OR4C13: variants seen among roughly 807,000 people sequenced by gnomAD.
OR4C13 encodes the protein olfactory receptor 4C13.
OR4C13 carries 23 observed loss-of-function variants against 14.7 expected under a neutral mutation model. That is an observed-to-expected ratio of 1.57 (90% CI 1.13 to 2.22). The LOEUF (loss-of-function observed/expected upper bound fraction) is 2.22, where lower values mean the gene tolerates loss of function less well. Among genes scored for constraint, OR4C13 ranks in the 30% most tolerant of loss-of-function variants. The probability of loss-of-function intolerance (pLI) is 0.00; values close to 1 mark genes in which losing one functional copy is unlikely to be tolerated. For synonymous variants in OR4C13, 178 were observed against 135.5 expected, an observed-to-expected ratio of 1.31 and a Z score of -2.18; for missense variants, 504 against 368.6, an observed-to-expected ratio of 1.37 and a Z score of -3.01.
In OR4C13 at chr11:49,953,089, T is replaced by G; in HGVS notation, c.667T>G (p.Leu223Val). Reference sequence around the variant, plus strand: ...CTCCTGCGTGGTCATACTGTACTCCTTAAAGACCCACAGCTTAGAGGCAAG... The same window carrying G: ...CTCCTGCGTGGTCATACTGTACTCCGTAAAGACCCACAGCTTAGAGGCAAG... ...LVSCVVILYS[L>V]KTHSLEARHE... Residue 223 changes from leucine to valine, a missense_variant, in exon 1 of 1, where the codon TTA (leucine) becomes GTA (valine). Transcript: ENST00000555099. 6.2e-7 allele frequency: 1 copy of G among 1,613,934 alleles called. No individual in the cohort carries two copies. Among genetic ancestry groups the G allele is most frequent in the Non-Finnish European group, 8.5e-7 (1 of 1,179,856 alleles).
In OR4C13 at chr11:49,952,459, T is replaced by C. The variant is rs782550728; in HGVS notation, c.37T>C (p.Leu13=). 23 of 1,613,060 alleles carry C rather than the reference T, an allele frequency of 1.4e-5. No homozygotes were observed. The highest frequency in any genetic ancestry group is 4.4e-5 in the South Asian group (4 of 91,040). ...NRNNVTEFIL[L]GLTENPKMQK... is the part of the protein sequence containing the mutation. ...AAACAATGTGACAGAGTTTATTCTA[T>C]TGGGGCTTACAGAGAATCCAAAAAT... Residue 13 remains leucine (L), a synonymous_variant, in exon 1 of 1, where the codon TTG becomes CTG. Transcript: ENST00000555099.
In OR4C13 at chr11:49,952,485, G is replaced by C. The variant is rs781882603; in HGVS notation, c.63G>C (p.Met21Ile). 6.2e-7 allele frequency: 1 copy of C among 1,613,424 alleles called. No homozygotes were observed. The highest frequency in any genetic ancestry group is 1.3e-5 in the African/African-American group (1 of 74,906). Residue 21 changes from methionine (M) to isoleucine (I), a missense_variant, in exon 1 of 1, where the codon ATG becomes ATC. Physicochemically the swap from Met to Ile is conservative, Grantham distance 10. Coordinates refer to ENST00000555099, the MANE Select transcript of OR4C13 (RefSeq NM_001001955.2). ...ILLGLTENPK[M>I]QKIIFVVFSV... ...TGGGGCTTACAGAGAATCCAAAAAT[G>C]CAGAAAATCATATTTGTTGTGTTTT...
At position 49,952,929 on chromosome 11, in the gene OR4C13, T is replaced by G; in HGVS notation, c.507T>G (p.Pro169=). Residue 169 remains proline, a synonymous_variant, in exon 1 of 1, where the codon CCT becomes CCG. Coordinates refer to ENST00000555099, the MANE Select transcript of OR4C13 (RefSeq NM_001001955.2). ...TCTGTCAATTACCTTTCTGTGGTCCTAATGTCATAGATCACTTTATGTGTG... is the reference window on the plus strand; with the variant it reads ...TCTGTCAATTACCTTTCTGTGGTCCGAATGTCATAGATCACTTTATGTGTG... ...LFICQLPFCG[P]NVIDHFMCDL... 1 of 1,613,966 alleles carries G rather than the reference T, an allele frequency of 6.2e-7. No homozygotes were observed. Among genetic ancestry groups the G allele is most frequent in the Non-Finnish European group, 8.5e-7 (1 of 1,179,888 alleles).
In OR4C13 at chr11:49,953,388, A is replaced by C. The variant is rs781957053; in HGVS notation, c.*36A>C. On this transcript the variant is annotated 3_prime_UTR_variant, in exon 1 of 1. Transcript: ENST00000555099. The stretch of plus-strand genomic sequence containing the variant: ...AGCCCAACATGATTCAGCTGAGGCA[A>C]GGGTCAAAAGGACATTTTGGGTAAT... 8.2e-6 allele frequency: 9 copies of C among 1,100,770 alleles called. No homozygotes were observed. Among genetic ancestry groups the C allele is most frequent in the Admixed American group, 2.5e-5 (1 of 40,230 alleles). The allele number at this position is 1,100,770 out of a possible 1,614,324, so 68.2% of individuals were successfully genotyped here. A position where few individuals can be genotyped will look rare whatever the true frequency, so the allele number is the denominator to read the frequency against.
At position 49,952,864 on chromosome 11, in the gene OR4C13, G is replaced by A. The variant is rs1555015795; in HGVS notation, c.442G>A (p.Val148Ile). The A allele has an allele frequency of 1.9e-6, 3 of 1,613,786 alleles. No homozygotes were observed. The highest frequency in any genetic ancestry group is 2.2e-5 in the East Asian group (1 of 44,882). ...VCSLLVGVSW[V>I]GGFLHATIQI... Reference sequence around the variant, plus strand: ...TAGCCTGCTAGTGGGAGTGTCATGGGTAGGAGGCTTTCTTCATGCAACCAT... The same window carrying A: ...TAGCCTGCTAGTGGGAGTGTCATGGATAGGAGGCTTTCTTCATGCAACCAT... Residue 148 changes from valine (V) to isoleucine (I), a missense_variant, in exon 1 of 1, where the codon GTA becomes ATA. Coordinates refer to ENST00000555099, the MANE Select transcript of OR4C13 (RefSeq NM_001001955.2).
In OR4C13 at chr11:49,953,160, C is replaced by G. The variant is rs782253361; in HGVS notation, c.738C>G (p.Ile246Met). 15 of 1,613,698 alleles carry G rather than the reference C, an allele frequency of 9.3e-6. No individual in the cohort carries two copies. Among genetic ancestry groups the G allele is most frequent in the Admixed American group, 6.7e-5 (4 of 59,988 alleles). ...STCVSHITVV[I>M]LSFIPCIFVY... Reference sequence around the variant, plus strand: ...GTGTCTCCCACATCACAGTTGTCATCTTATCCTTTATACCCTGCATATTTG... The same window carrying G: ...GTGTCTCCCACATCACAGTTGTCATGTTATCCTTTATACCCTGCATATTTG... The change falls in exon 1 of 1, where the codon ATC becomes ATG. Residue 246 changes from isoleucine to methionine, a missense_variant. Transcript: ENST00000555099.
rs1555015661 is a variant in OR4C13 at position 49,952,499 on chromosome 11, T to A, written c.77T>A (p.Phe26Tyr). The change falls in exon 1 of 1, where the codon TTT becomes TAT. Residue 26 changes from phenylalanine to tyrosine, a missense_variant. Phe to Tyr is a conservative substitution (Grantham distance 22). Transcript: ENST00000555099. The stretch of plus-strand genomic sequence containing the variant: ...AATCCAAAAATGCAGAAAATCATAT[T>A]TGTTGTGTTTTCTGTCATCTACATC... The part of the protein sequence containing the change: ...TENPKMQKII[F>Y]VVFSVIYINA... 1.2e-6 allele frequency: 2 copies of A among 1,613,482 alleles called. No homozygotes were observed. Among genetic ancestry groups the A allele is most frequent in the Non-Finnish European group, 1.7e-6 (2 of 1,179,426 alleles).
Position 49,953,245 on chromosome 11 carries a change from A to C in OR4C13, c.823A>C (p.Met275Leu). 1.9e-6 allele frequency: 3 copies of C among 1,611,198 alleles called. No homozygotes were observed. Residue 275 changes from methionine to leucine, a missense_variant, in exon 1 of 1, where the codon ATG (methionine) becomes CTG (leucine). By Grantham distance (15) the Met-to-Leu change is conservative. Transcript: ENST00000555099. ...TAAAGCAGTTGCTGTATTCTACACT[A>C]TGATAACTTCTATGTTAAACCCCTT... ...IDKAVAVFYT[M>L]ITSMLNPLIY...
rs537150006 is a variant in OR4C13 at position 49,953,341 on chromosome 11, A to C, written c.919A>C (p.Ser307Arg). The change falls in exon 1 of 1, where the codon AGT (serine) becomes CGT (arginine). Residue 307 changes from serine to arginine, a missense_variant. Physicochemically the swap from Ser to Arg is moderately radical, Grantham distance 110. Transcript: ENST00000555099. ...RKLCSRKAIS[S>R]VK ...ATTGTGTAGTAGGAAAGCTATTTCA[A>C]GTGTCAAATAAATGTGACTGGAGCC... The C allele has an allele frequency of 6.4e-7, 1 of 1,552,994 alleles. No homozygotes were observed. Among genetic ancestry groups the C allele is most frequent in the East Asian group, 2.2e-5 (1 of 44,548 alleles).
Position 49,952,649 on chromosome 11 carries a change from C to A in OR4C13, c.227C>A (p.Thr76Asn), listed in dbSNP as rs576355692. The change falls in exon 1 of 1, where the codon ACC (threonine) becomes AAC (asparagine). Residue 76 changes from threonine to asparagine, a missense_variant. Physicochemically the swap from Thr to Asn is moderately conservative, Grantham distance 65. Transcript: ENST00000555099. ...FIDACYSSVN[T>N]PKLITDSLYE... ...GATGCCTGCTATTCCTCTGTCAATA[C>A]CCCTAAGCTGATCACAGATTCACTC... 20 of 1,613,370 alleles carry A rather than the reference C, an allele frequency of 1.2e-5. No individual in the cohort carries two copies. In the East Asian group the frequency reaches 2.0e-4, roughly 16 times the overall value.
Position 49,952,589 on chromosome 11 carries a change from C to A in OR4C13, c.167C>A (p.Pro56His). The change falls in exon 1 of 1, where the codon CCC becomes CAC. Residue 56 changes from proline (P) to histidine (H), a missense_variant. Transcript: ENST00000555099. ...ACTGCCAGCCCATCACTGAGATCCC[C>A]CATGTACTTTTTCCTGGCCTATCTC... is the stretch of plus-strand genomic sequence containing the variant. ...TITASPSLRS[P>H]MYFFLAYLSF... 1 of 1,613,888 alleles carries A rather than the reference C, an allele frequency of 6.2e-7. No individual in the cohort carries two copies. The highest frequency in any genetic ancestry group is 8.5e-7 in the Non-Finnish European group (1 of 1,179,830).
chr11:49,952,612 C>T lies in OR4C13; in HGVS notation c.190C>T (p.Leu64Phe). ...CCCCATGTACTTTTTCCTGGCCTAT[C>T]TCTCCTTTATTGATGCCTGCTATTC... ...RSPMYFFLAY[L>F]SFIDACYSSV... Residue 64 changes from leucine (L) to phenylalanine (F), a missense_variant, in exon 1 of 1, where the codon CTC becomes TTC. Transcript: ENST00000555099. The T allele has an allele frequency of 6.2e-7, 1 of 1,613,916 alleles. No homozygotes were observed.
rs1198251115 is a variant in OR4C13, at chr11:49,953,289, T to C, written c.867T>C (p.Asn289=). Residue 289 remains asparagine (N), a synonymous_variant, in exon 1 of 1, where the codon AAT becomes AAC. Transcript: ENST00000555099. ...ACCCCTTAATCTACACCTTGAGGAA[T>C]GCTCAAATGAAAAATGCCATTAGGA... ...MLNPLIYTLR[N]AQMKNAIRKL... is the part of the protein sequence containing the mutation. 1.2e-6 allele frequency: 2 copies of C among 1,608,488 alleles called. No homozygotes were observed. Among genetic ancestry groups the C allele is most frequent in the Non-Finnish European group, 8.5e-7 (1 of 1,178,422 alleles).
At position 49,952,617 on chromosome 11, in the gene OR4C13, C is replaced by T. The variant is rs79794374; in HGVS notation, c.195C>T (p.Ser65=). 8.1e-6 allele frequency: 13 copies of T among 1,613,766 alleles called. No individual in the cohort carries two copies. The highest frequency in any genetic ancestry group is 6.6e-5 in the South Asian group (6 of 91,078). The part of the protein sequence containing the change: ...SPMYFFLAYL[S]FIDACYSSVN... Reference sequence around the variant, plus strand: ...TGTACTTTTTCCTGGCCTATCTCTCCTTTATTGATGCCTGCTATTCCTCTG... The same window carrying T: ...TGTACTTTTTCCTGGCCTATCTCTCTTTTATTGATGCCTGCTATTCCTCTG... Residue 65 remains serine, a synonymous_variant, in exon 1 of 1, where the codon TCC becomes TCT. Transcript: ENST00000555099.
chr11:49,952,443 G>A lies in OR4C13; in HGVS notation c.21G>A (p.Val7=). 2 of 1,608,490 alleles carry A rather than the reference G, an allele frequency of 1.2e-6. No individual in the cohort carries two copies. Among genetic ancestry groups the A allele is most frequent in the Non-Finnish European group, 1.7e-6 (2 of 1,175,202 alleles). Residue 7 remains valine, a synonymous_variant, in exon 1 of 1, where the codon GTG becomes GTA. Coordinates refer to ENST00000555099, the MANE Select transcript of OR4C13 (RefSeq NM_001001955.2). MANRNN[V]TEFILLGLTE... is the part of the protein sequence containing the mutation. ...AATACATGGCGAATAGAAACAATGT[G>A]ACAGAGTTTATTCTATTGGGGCTTA...
At position 49,952,445 on chromosome 11, in the gene OR4C13, CAG is replaced by C; in HGVS notation, c.26_27del (p.Glu9ValfsTer59). 2 of 1,608,268 alleles carry C rather than the reference CAG, an allele frequency of 1.2e-6. No homozygotes were observed. Among genetic ancestry groups the C allele is most frequent in the South Asian group, 1.1e-5 (1 of 90,922 alleles). ...TACATGGCGAATAGAAACAATGTGA[CAG>C]AGTTTATTCTATTGGGGCTTACAGA... On this transcript the variant is annotated frameshift_variant, in exon 1 of 1. Transcript: ENST00000555099. LOFTEE classifies it high-confidence loss of function.
In OR4C13 at chr11:49,953,189, A is replaced by G. The variant is rs199795394; in HGVS notation, c.767A>G (p.Tyr256Cys). Residue 256 changes from tyrosine (Y) to cysteine (C), a missense_variant, in exon 1 of 1, where the codon TAC becomes TGC. Tyr to Cys is a radical substitution (Grantham distance 194). Coordinates refer to ENST00000555099, the MANE Select transcript of OR4C13 (RefSeq NM_001001955.2). ...ILSFIPCIFVYMRPPATLPID... is the reference protein window; with the variant it reads ...ILSFIPCIFVCMRPPATLPID... ...TCCTTTATACCCTGCATATTTGTGT[A>G]CATGAGACCTCCAGCTACTTTACCC... 53 of 1,613,682 alleles carry G rather than the reference A, an allele frequency of 3.3e-5. No homozygotes were observed. In the East Asian group the frequency reaches 1.2e-3, roughly 35 times the overall value.
rs1555015676 is a variant in OR4C13 at position 49,952,532 on chromosome 11, T to C, written c.110T>C (p.Met37Thr). The change falls in exon 1 of 1, where the codon ATG becomes ACG. Residue 37 changes from methionine (M) to threonine (T), a missense_variant. Physicochemically the swap from Met to Thr is moderately conservative, Grantham distance 81. Coordinates refer to ENST00000555099, the MANE Select transcript of OR4C13 (RefSeq NM_001001955.2). ...TTTTCTGTCATCTACATCAACGCCA[T>C]GATAGGAAATGTGCTCATTGTGGTC... ...VVFSVIYINAMIGNVLIVVTI... is the reference protein window; with the variant it reads ...VVFSVIYINATIGNVLIVVTI... 1 of 1,613,818 alleles carries C rather than the reference T, an allele frequency of 6.2e-7. No homozygotes were observed.
Position 49,952,907 on chromosome 11 carries a change from G to T in OR4C13, c.485G>T (p.Cys162Phe), listed in dbSNP as rs1555015808. 6.2e-7 allele frequency: 1 copy of T among 1,613,956 alleles called. No homozygotes were observed. Among genetic ancestry groups the T allele is most frequent in the Admixed American group, 1.7e-5 (1 of 59,984 alleles). ...GCAACCATACAGATCCTCTTCATCT[G>T]TCAATTACCTTTCTGTGGTCCTAAT... is the stretch of plus-strand genomic sequence containing the variant. ...LHATIQILFI[C>F]QLPFCGPNVI... Residue 162 changes from cysteine (C) to phenylalanine (F), a missense_variant, in exon 1 of 1, where the codon TGT becomes TTT. Transcript: ENST00000555099.
Sources: allele counts gnomAD v4.1 joint callset, GRCh38; gene constraint gnomAD v4.1.1; transcripts MANE v1.5; gene names NCBI Gene and HGNC (gene_info 2026-07-23, HGNC 2026-07-21).